Variants in ROBO2 observed in about 807,000 individuals in gnomAD.
The protein encoded by ROBO2 is roundabout guidance receptor 2, also known as roundabout homolog 2.
ROBO2 carries 53 observed loss-of-function variants against 160.8 expected under a neutral mutation model. The observed-to-expected ratio is 0.33, with a 90% confidence interval of 0.26 to 0.41. The LOEUF is 0.41. Ranked by LOEUF, ROBO2 falls within the 10% of genes least tolerant of loss-of-function variation. The pLI is 1.00. For synonymous variants in ROBO2, 664 were observed against 611.7 expected (o/e 1.09, Z -1.26); for missense variants, 1,577 against 1,722.4 (o/e 0.92, Z 1.49).
intron 2 of ROBO2, among the ~76,000 whole-genome samples, chr3:76,789,337 A>G (rs1015394516): frequency 2.6e-5 from 4 of 151,530 alleles, no homozygotes; most frequent in Admixed American, 1.3e-4. Flanking sequence ...TTAATGGCCT[A>G]GGATGCCATT....
At chr3:76,003,426 T>C (rs2107575919) in intron 2 of ROBO2, among the ~76,000 whole-genome samples, 2 of 152,314 alleles carry the variant, frequency 1.3e-5, no homozygotes, top group Non-Finnish European at 2.9e-5. Flanking sequence ...AAAATCAGAT[T>C]TTGCTATAAA....
intron 2 of ROBO2, among the ~76,000 whole-genome samples, chr3:76,753,259 C>T (rs942612691): frequency 4.0e-5 from 6 of 151,744 alleles, no homozygotes; most frequent in Non-Finnish European, 7.4e-5. Context: ...TTACCTCCAA[C>T]AAAATGGTGA....
chr3:76,623,702 T>G (rs1040046884), intron 2 of ROBO2, among the ~76,000 whole-genome samples: 1 of 152,190 alleles, frequency 6.6e-6, no homozygotes, highest in Admixed American at 6.5e-5. Context: ...CAACATAAGG[T>G]TTAGATACCA....
At chr3:77,008,467 G>C (rs528491819) in intron 2 of ROBO2, among the ~76,000 whole-genome samples, 2 of 152,052 alleles carry the variant, frequency 1.3e-5, no homozygotes, top group African/African-American at 4.8e-5. Flanking sequence ...AATGTACATC[G>C]CTTGTAATCA....
intron 2 of ROBO2, among the ~76,000 whole-genome samples, chr3:77,266,539 G>A (rs1473582190): frequency 6.6e-6 from 1 of 151,962 alleles, no homozygotes; most frequent in Admixed American, 6.6e-5. Context: ...TTCTCCCCTA[G>A]GGTTCCATGA....
chr3:76,046,327 C>G (rs1260428798), intron 2 of ROBO2, among the ~76,000 whole-genome samples: 1 of 151,940 alleles, frequency 6.6e-6, no homozygotes, highest in African/African-American at 2.4e-5. Context: ...AATCTAAAAT[C>G]TATTTCAAGA....
chr3:76,376,639 A>C (rs1479067096), intron 2 of ROBO2, among the ~76,000 whole-genome samples: 1 of 150,760 alleles, frequency 6.6e-6, no homozygotes, highest in Non-Finnish European at 1.5e-5. Context: ...TGTGAAAAGA[A>C]AGTCTTTATT....
chr3:77,242,955 G>A (rs1400047683), intron 2 of ROBO2, among the ~76,000 whole-genome samples: 1 of 151,408 alleles, frequency 6.6e-6, no homozygotes, highest in Non-Finnish European at 1.5e-5. Flanking sequence ...GAGTGAATAT[G>A]TGTGTGTGTG....
intron 2 of ROBO2, among the ~76,000 whole-genome samples, chr3:77,300,029 T>G (rs2062511775): frequency 6.6e-6 from 1 of 152,244 alleles, no homozygotes; most frequent in Admixed American, 6.5e-5. Flanking sequence ...CTCCCAAAAA[T>G]ATTTAAATCT....
intron 2 of ROBO2, among the ~76,000 whole-genome samples, chr3:76,213,489 A>G (rs1703283762): frequency 6.6e-6 from 1 of 152,166 alleles, no homozygotes; most frequent in Non-Finnish European, 1.5e-5. Flanking sequence ...GAATGGTTCC[A>G]TAGATAATAT....
intron 2 of ROBO2, among the ~76,000 whole-genome samples, chr3:76,004,360 AC>A (rs1397222331): frequency 2.0e-5 from 3 of 152,206 alleles, no homozygotes; most frequent in African/African-American, 7.2e-5. Flanking sequence ...AGTGGGGTAG[AC>A]AGGGGCTAGG....
At chr3:76,671,934 A>G (rs2092276494) in intron 2 of ROBO2, among the ~76,000 whole-genome samples, 1 of 152,052 alleles carries the variant, frequency 6.6e-6, no homozygotes, top group African/African-American at 2.4e-5. Flanking sequence ...GATTTTACAC[A>G]GTATTTTTTA....
intron 2 of ROBO2, among the ~76,000 whole-genome samples, chr3:77,391,504 G>C (rs976190741): frequency 5.9e-5 from 9 of 151,914 alleles, no homozygotes; most frequent in Admixed American, 5.9e-4. Context: ...ATGGCAACAG[G>C]CAAGAGAGAG....
intron 2 of ROBO2, among the ~76,000 whole-genome samples, chr3:76,565,956 C>A (rs547234777): frequency 6.6e-6 from 1 of 152,122 alleles, no homozygotes; most frequent in East Asian, 1.9e-4. Flanking sequence ...TCGTAGCCAA[C>A]GGGTATTGCC....
chr3:76,447,880 C>T (rs535350048), intron 2 of ROBO2, among the ~76,000 whole-genome samples: 16,127 of 106,808 alleles, frequency 0.15, 1,222 homozygotes, highest in Admixed American at 0.32. Context: ...CATCACACAG[C>T]GGGGCCTGTT....
At chr3:76,701,250 A>G (rs1443632423) in intron 2 of ROBO2, among the ~76,000 whole-genome samples, 4 of 152,074 alleles carry the variant, frequency 2.6e-5, no homozygotes, top group Non-Finnish European at 4.4e-5. Flanking sequence ...TAATTGTTCC[A>G]TTTAGTTTAA....
intron 2 of ROBO2, among the ~76,000 whole-genome samples, chr3:77,414,485 C>T (rs554896198): frequency 2.0e-5 from 3 of 152,244 alleles, no homozygotes; most frequent in East Asian, 1.9e-4. Context: ...TAAGGAAAAG[C>T]GTGTCCATAT....
intron 2 of ROBO2, among the ~76,000 whole-genome samples, chr3:76,307,067 C>T (rs1310671776): frequency 6.6e-6 from 1 of 152,162 alleles, no homozygotes; most frequent in East Asian, 1.9e-4. Flanking sequence ...AATCTAGCCC[C>T]TGCCTACCGC....
At chr3:77,164,390 GGGGGT>G (rs2078764161) in intron 2 of ROBO2, among the ~76,000 whole-genome samples, 2 of 99,010 alleles carry the variant, frequency 2.0e-5, no homozygotes, top group South Asian at 5.8e-4. Flanking sequence ...GAGGGAGGTG[GGGGGT>G]CAGCCCCCCG....
Sources: allele counts gnomAD v4.1 joint callset (sites outside exome capture counted in the v4.1 genomes callset), GRCh38; gene constraint gnomAD v4.1.1; transcripts MANE v1.5; gene names NCBI Gene and HGNC (gene_info 2026-07-23, HGNC 2026-07-21).